RASSF8: variants seen among roughly 807,000 people sequenced by gnomAD.
RASSF8 encodes Ras association domain family member 8, also known as ras association domain-containing protein 8.
In RASSF8, 22 loss-of-function variants were observed where a neutral mutation model predicts 48.5. The ratio of observed to expected loss-of-function variants is 0.45; its 90% CI spans 0.32 to 0.65. The LOEUF is 0.65. RASSF8 is among the 30% of genes least tolerant of loss of function. The pLI is 0.03. For synonymous variants in RASSF8, 127 were observed against 171.5 expected (o/e 0.74, Z 2.03); for missense variants, 418 against 489.2 (o/e 0.85, Z 1.37).
Position 26,035,005 on chromosome 12 carries a change from T to C in RASSF8, c.-108-20231T>C, listed in dbSNP as rs1488990030. Among the ~76,000 whole-genome samples, 16 of 152,290 alleles carry C rather than the reference T, an allele frequency of 1.1e-4. No individual in the cohort carries two copies. In the East Asian group the frequency reaches 2.9e-3, roughly 28 times the overall value. The stretch of plus-strand genomic sequence containing the variant: ...TCACTATGAACTATCCTATTTTTGG[T>C]ATTATGGTGATTACTCTGGTGTTGC... On this transcript the variant is annotated intron_variant, in intron 2 of 5. Transcript: ENST00000689635.
chr12:25,968,082 C>A (rs1592213921), intron 1 of RASSF8, among the ~76,000 whole-genome samples: 1 of 152,352 alleles, frequency 6.6e-6, no homozygotes, highest in East Asian at 1.9e-4. Context: ...TGTCTCCTTT[C>A]TCAGCCAGCT....
At chr12:26,025,910 T>C (rs1942902467) in intron 2 of RASSF8, among the ~76,000 whole-genome samples, 2 of 152,178 alleles carry the variant, frequency 1.3e-5, no homozygotes, top group Admixed American at 6.5e-5. Context: ...AAAAGACATC[T>C]CATGTTCATG....
At position 26,065,215 on chromosome 12, in the gene RASSF8, C is replaced by T. The variant is rs1943843005; in HGVS notation, c.821C>T (p.Ala274Val). The T allele has an allele frequency of 6.2e-7, 1 of 1,614,044 alleles. No individual in the cohort carries two copies. The highest frequency in any genetic ancestry group is 1.3e-5 in the African/African-American group (1 of 74,996). ...CGGACTATGGAAAGTGGTCTTGAAGCAGAAAAATTGCAACGGGAAGTTCAA... is the reference window on the plus strand; with the variant it reads ...CGGACTATGGAAAGTGGTCTTGAAGTAGAAAAATTGCAACGGGAAGTTCAA... Reference protein sequence around the residue: ...QIRTMESGLEAEKLQREVQEA... With the variant: ...QIRTMESGLEVEKLQREVQEA... The change falls in exon 4 of 6, where the codon GCA becomes GTA. Residue 274 changes from alanine to valine, a missense_variant. Physicochemically the swap from Ala to Val is moderately conservative, Grantham distance 64. Transcript: ENST00000689635.
chr12:25,988,228 C>A (rs115634366), intron 1 of RASSF8, among the ~76,000 whole-genome samples: 2 of 152,000 alleles, frequency 1.3e-5, no homozygotes, highest in Non-Finnish European at 2.9e-5. Context: ...TTAGTAGGCT[C>A]TTTTTAAAAT....
At chr12:26,012,567 T>C (rs549055077) in intron 2 of RASSF8, among the ~76,000 whole-genome samples, 1 of 152,296 alleles carries the variant, frequency 6.6e-6, no homozygotes, top group African/African-American at 2.4e-5. Context: ...TATCCATATA[T>C]TATTTATATC....
intron 3 of RASSF8, 38 bp downstream of exon 3, chr12:26,055,484 G>C: frequency 6.7e-7 from 1 of 1,499,898 alleles, no homozygotes. Flanking sequence ...AAAGTACATT[G>C]TGCTTTCTTT....
At chr12:26,012,402 T>C (rs544661385) in intron 2 of RASSF8, among the ~76,000 whole-genome samples, 1 of 152,306 alleles carries the variant, frequency 6.6e-6, no homozygotes, top group Non-Finnish European at 1.5e-5. Context: ...TAACTGGCAA[T>C]GAATATTTGA....
intron 1 of RASSF8, among the ~76,000 whole-genome samples, chr12:25,977,827 G>GACA (rs1420122479): frequency 6.6e-6 from 1 of 152,184 alleles, no homozygotes; most frequent in Non-Finnish European, 1.5e-5. Context: ...AAGGACCACT[G>GACA]ACACCAAACA....
chr12:25,969,983 G>A (rs1941447224), intron 1 of RASSF8, among the ~76,000 whole-genome samples: 1 of 152,022 alleles, frequency 6.6e-6, no homozygotes, highest in African/African-American at 2.4e-5. Flanking sequence ...GCCTCCTCAA[G>A]ATTTCTTAAC....
intron 5 of RASSF8, chr12:26,078,949 T>G: frequency 7.7e-7 from 1 of 1,299,396 alleles, no homozygotes; most frequent in Non-Finnish European, 1.0e-6. Flanking sequence ...AAGCTAGTAA[T>G]TGAGATCATG....
chr12:26,058,540 A>ACACACG lies in RASSF8; in HGVS notation c.103+3099_103+3100insGCACAC, dbSNP rs1555169652. 2.5e-4 allele frequency among the ~76,000 whole-genome samples: 9 copies of ACACACG among 36,548 alleles called. No homozygotes were observed. In the East Asian group the frequency reaches 0.024, roughly 96 times the overall value. 24.0% of individuals were successfully genotyped at this position (36,548 alleles called of 152,430 possible). ...TACACACATGCGCACGCGCGCGCGCACACACACACACACACACACACAGAG... is the reference window on the plus strand; with the variant it reads ...TACACACATGCGCACGCGCGCGCGCACACACGCACACACACACACACACACACAGAG... On this transcript the variant is annotated intron_variant, in intron 3 of 5. Transcript: ENST00000689635.
intron 2 of RASSF8, among the ~76,000 whole-genome samples, chr12:26,028,657 T>C (rs1185545277): frequency 1.3e-5 from 2 of 152,154 alleles, no homozygotes; most frequent in Non-Finnish European, 2.9e-5. Context: ...ACAAAAGAGG[T>C]TGAAACTTTT....
chr12:26,021,558 C>T (rs1942787621), intron 2 of RASSF8: 1 of 152,196 alleles, frequency 6.6e-6, no homozygotes, highest in South Asian at 2.1e-4. Flanking sequence ...CTTCCTCCAC[C>T]CAGCCCCTAC....
chr12:26,006,986 G>C (rs999228678), intron 2 of RASSF8, among the ~76,000 whole-genome samples: 4 of 152,162 alleles, frequency 2.6e-5, no homozygotes, highest in African/African-American at 9.7e-5. Flanking sequence ...TGGGCATCTG[G>C]TGAGGGCCTC....
At chr12:26,067,810 G>A in intron 5 of RASSF8, 97 bp downstream of exon 5, 2 of 1,489,586 alleles carry the variant, frequency 1.3e-6, no homozygotes, top group Non-Finnish European at 1.8e-6. Flanking sequence ...TATCGCCCAG[G>A]CTGGAATGCC....
At chr12:26,048,785 C>T (rs1943428066) in intron 2 of RASSF8, among the ~76,000 whole-genome samples, 1 of 151,928 alleles carries the variant, frequency 6.6e-6, no homozygotes, top group African/African-American at 2.4e-5. Flanking sequence ...CGGAGTTTCA[C>T]TCTTGTCGCC....
intron 1 of RASSF8, among the ~76,000 whole-genome samples, chr12:25,976,695 G>A (rs1393107877): frequency 6.6e-6 from 1 of 152,078 alleles, no homozygotes; most frequent in Non-Finnish European, 1.5e-5. Flanking sequence ...CCCTGCCTTC[G>A]TTCTTTTGTG....
At chr12:26,040,499 G>A (rs1054981296) in intron 2 of RASSF8, among the ~76,000 whole-genome samples, 2 of 152,188 alleles carry the variant, frequency 1.3e-5, no homozygotes, top group African/African-American at 4.8e-5. Context: ...GGTAGGAAAT[G>A]TTTTTTCTGA....
chr12:26,001,317 A>G (rs1418211087), intron 2 of RASSF8, among the ~76,000 whole-genome samples: 1 of 151,124 alleles, frequency 6.6e-6, no homozygotes, highest in East Asian at 1.9e-4. Flanking sequence ...TTACAGGCCT[A>G]TTTTTAAGTT....
Sources: allele counts gnomAD v4.1 joint callset (sites outside exome capture counted in the v4.1 genomes callset), GRCh38; gene constraint gnomAD v4.1.1; transcripts MANE v1.5; gene names NCBI Gene and HGNC (gene_info 2026-07-23, HGNC 2026-07-21).